The following RBMS3 variants were observed in gnomAD, a reference collection of about 807,000 sequenced individuals.
RBMS3 encodes the protein RNA binding motif single stranded interacting protein 3.
In RBMS3, 27 loss-of-function variants were observed where a neutral mutation model predicts 66.8. The observed-to-expected ratio is 0.40, with a 90% confidence interval of 0.30 to 0.56. RBMS3 has a LOEUF of 0.56. Among genes scored for constraint, RBMS3 ranks in the 20% least tolerant of loss-of-function variants. The pLI, the probability that RBMS3 is intolerant of heterozygous loss-of-function variation, is 0.40. For synonymous variants in RBMS3, 188 were observed against 183.0 expected, an observed-to-expected ratio of 1.03 and a Z score of -0.22; for missense variants, 513 against 549.5, an observed-to-expected ratio of 0.93 and a Z score of 0.66.
Position 29,557,795 on chromosome 3 carries a change from A to T in RBMS3, c.308-29319A>T, listed in dbSNP as rs371270710. 1.2e-3 allele frequency among the ~76,000 whole-genome samples: 183 copies of T among 152,348 alleles called. 1 individual carries two copies. The highest frequency in any genetic ancestry group is 4.0e-3 in the African/African-American group (167 of 41,584). ...TAAATGGTAAACAAACAAACAAAAA[A>T]CATAGTACCCTATGAAAGCCATCCA... On this transcript the variant is annotated intron_variant, in intron 3 of 14. Transcript: ENST00000383767.
intron 8 of RBMS3, among the ~76,000 whole-genome samples, chr3:29,889,241 A>C (rs564621184): frequency 9.2e-5 from 14 of 151,686 alleles, no homozygotes; most frequent in Admixed American, 8.6e-4. Context: ...CTCACTCCCC[A>C]TGGCCCCACC....
chr3:29,662,528 C>A (rs1458182978), intron 4 of RBMS3, among the ~76,000 whole-genome samples: 2 of 152,052 alleles, frequency 1.3e-5, no homozygotes, highest in Non-Finnish European at 2.9e-5. Flanking sequence ...CTAAAGTGAC[C>A]AAAAGTTAGT....
intron 3 of RBMS3, among the ~76,000 whole-genome samples, chr3:29,498,921 A>G (rs1298061155): frequency 1.3e-5 from 2 of 152,182 alleles, no homozygotes; most frequent in African/African-American, 4.8e-5. Flanking sequence ...AATAGCAAAA[A>G]GTATAAGTAC....
chr3:29,320,296 T>C (rs1364580326), intron 1 of RBMS3, among the ~76,000 whole-genome samples: 1 of 152,032 alleles, frequency 6.6e-6, no homozygotes, highest in African/African-American at 2.4e-5. Context: ...CTCTGAAAGG[T>C]TCAGGCTGCC....
chr3:29,313,815 A>T (rs867607928), intron 1 of RBMS3, among the ~76,000 whole-genome samples: 2 of 151,746 alleles, frequency 1.3e-5, no homozygotes, highest in Middle Eastern at 3.4e-3. Context: ...AAATCCAATC[A>T]CTTTTACAGT....
chr3:29,773,364 A>T (rs1207378717), intron 6 of RBMS3, among the ~76,000 whole-genome samples: 1 of 152,066 alleles, frequency 6.6e-6, no homozygotes, highest in East Asian at 1.9e-4. Flanking sequence ...AAATAATTTT[A>T]AAAATTAAGT....
intron 10 of RBMS3, among the ~76,000 whole-genome samples, chr3:29,903,993 C>T (rs887741540): frequency 6.6e-6 from 1 of 151,936 alleles, no homozygotes; most frequent in Non-Finnish European, 1.5e-5. Flanking sequence ...TCATTCTTTG[C>T]CCTTAAACAT....
At chr3:29,955,885 A>T (rs1012332329) in intron 12 of RBMS3, among the ~76,000 whole-genome samples, 5 of 151,994 alleles carry the variant, frequency 3.3e-5, no homozygotes, top group African/African-American at 4.8e-5. Flanking sequence ...TGCTCACTTC[A>T]TCTTACTCTC....
intron 1 of RBMS3, among the ~76,000 whole-genome samples, chr3:29,316,474 T>C (rs1205351023): frequency 1.3e-5 from 2 of 151,644 alleles, no homozygotes; most frequent in Non-Finnish European, 3.0e-5. Flanking sequence ...ATTATCATCA[T>C]CAGGGATGAG....
chr3:29,743,875 C>T (rs1480737121), intron 5 of RBMS3, among the ~76,000 whole-genome samples: 1 of 147,654 alleles, frequency 6.8e-6, no homozygotes, highest in Non-Finnish European at 1.5e-5. Context: ...AGGTATATCT[C>T]CTAATGCTAT....
intron 4 of RBMS3, among the ~76,000 whole-genome samples, chr3:29,701,324 T>A (rs1016641807): frequency 2.6e-5 from 4 of 151,748 alleles, no homozygotes; most frequent in African/African-American, 7.3e-5. Context: ...GAATGTTACC[T>A]CCGTAAAAAA....
At chr3:29,570,287 C>T (rs145701688) in intron 3 of RBMS3, among the ~76,000 whole-genome samples, 2,575 of 152,032 alleles carry the variant, frequency 0.017, 36 homozygotes, top group Non-Finnish European at 0.021. Context: ...TGGAAAATGA[C>T]GTATCCATGC....
intron 4 of RBMS3, among the ~76,000 whole-genome samples, chr3:29,621,323 A>C (rs921589740): frequency 3.9e-5 from 6 of 152,162 alleles, no homozygotes; most frequent in Non-Finnish European, 7.4e-5. Context: ...CTGGAATGAA[A>C]ACGTAAATGC....
At chr3:29,913,215 A>G (rs963409493) in intron 10 of RBMS3, among the ~76,000 whole-genome samples, 1 of 152,010 alleles carries the variant, frequency 6.6e-6, no homozygotes, top group African/African-American at 2.4e-5. Flanking sequence ...AGAATTTAAA[A>G]GTATCTGCAT....
chr3:29,941,550 A>G (rs953302703), intron 11 of RBMS3, among the ~76,000 whole-genome samples: 1 of 151,858 alleles, frequency 6.6e-6, no homozygotes, highest in African/African-American at 2.4e-5. Flanking sequence ...GTCTTACTTT[A>G]AAATGAAAGA....
intron 4 of RBMS3, among the ~76,000 whole-genome samples, chr3:29,644,860 T>C (rs1330001862): frequency 6.6e-6 from 1 of 152,150 alleles, no homozygotes; most frequent in Non-Finnish European, 1.5e-5. Flanking sequence ...GTTTACCCAA[T>C]AAAAATTACA....
intron 6 of RBMS3, among the ~76,000 whole-genome samples, chr3:29,790,894 C>T (rs969284733): frequency 6.6e-6 from 1 of 152,098 alleles, no homozygotes; most frequent in Non-Finnish European, 1.5e-5. Flanking sequence ...CATTTCAAAG[C>T]TTTTAATTCT....
chr3:29,942,271 C>G (rs774839035), intron 11 of RBMS3, among the ~76,000 whole-genome samples: 4 of 151,694 alleles, frequency 2.6e-5, no homozygotes, highest in Non-Finnish European at 5.9e-5. Context: ...GTTATCACAG[C>G]ACTTTGGGAA....
chr3:29,995,208 T>C (rs1342552300), intron 14 of RBMS3, among the ~76,000 whole-genome samples: 1 of 151,864 alleles, frequency 6.6e-6, no homozygotes, highest in African/African-American at 2.4e-5. Context: ...AAGGGAAGTT[T>C]AGAGAAAAAA....
Sources: allele counts gnomAD v4.1 joint callset (sites outside exome capture counted in the v4.1 genomes callset), GRCh38; gene constraint gnomAD v4.1.1; transcripts MANE v1.5; gene names NCBI Gene and HGNC (gene_info 2026-07-23, HGNC 2026-07-21).